Variants in CCDC9 observed in about 807,000 individuals in gnomAD.
CCDC9 encodes the protein coiled-coil domain containing 9.
Under a neutral mutation model 65.6 loss-of-function variants are expected in CCDC9, and 52 were observed. The observed-to-expected ratio is 0.79, with a 90% confidence interval of 0.63 to 1.00. CCDC9 has a LOEUF of 1.00. CCDC9 is among the 50% of genes least tolerant of loss of function. The pLI, the probability that CCDC9 is intolerant of heterozygous loss-of-function variation, is 0.00. For missense variants in CCDC9, 834 were observed against 757.2 expected, an observed-to-expected ratio of 1.10 and a Z score of -1.19; for synonymous variants, 332 against 280.3, an observed-to-expected ratio of 1.18 and a Z score of -1.84.
intron 8 of CCDC9, among the ~76,000 whole-genome samples, chr19:47,267,638 C>A (rs2059090909): frequency 6.6e-6 from 1 of 152,178 alleles, no homozygotes; most frequent in Non-Finnish European, 1.5e-5. Flanking sequence ...TTGTGTTCGC[C>A]AGCACACCCC....
Position 47,270,448 on chromosome 19 carries a change from G to T in CCDC9, c.944G>T (p.Arg315Leu), listed in dbSNP as rs138726882. 2 of 1,614,126 alleles carry T rather than the reference G, an allele frequency of 1.2e-6. No homozygotes were observed. Among genetic ancestry groups the T allele is most frequent in the African/African-American group, 2.7e-5 (2 of 75,024 alleles). ...GPVPAHEPSH[R>L]YDDQAWARPP... is the part of the protein sequence containing the mutation. ...GTCCCTGCCCATGAACCATCCCACC[G>T]CTATGGTGAGTGGGTGCCCTTGGAT... The change falls in exon 9 of 12, where the codon CGC (arginine) becomes CTC (leucine). Residue 315 changes from arginine to leucine, a missense_variant. By Grantham distance (102) the Arg-to-Leu change is moderately radical. Transcript: ENST00000221922.
At position 47,258,636 on chromosome 19, in the gene CCDC9, G is replaced by A. The variant is rs2059026478; in HGVS notation, c.81G>A (p.Lys27=). 2 of 1,614,020 alleles carry A rather than the reference G, an allele frequency of 1.2e-6. No individual in the cohort carries two copies. Among genetic ancestry groups the A allele is most frequent in the Non-Finnish European group, 1.7e-6 (2 of 1,179,990 alleles). ...LDKRIEALRR[K]NEALIRRYQE... is the part of the protein sequence containing the mutation. The stretch of plus-strand genomic sequence containing the variant: ...AGAGGATCGAGGCTCTTCGGCGGAA[G>A]AATGAGGCCCTCATCCGGCGCTACC... Residue 27 remains lysine (K), a synonymous_variant, in exon 3 of 12, where the codon AAG becomes AAA. Transcript: ENST00000221922.
At chr19:47,263,018 A>T (rs1419843829) in intron 5 of CCDC9, among the ~76,000 whole-genome samples, 1 of 150,304 alleles carries the variant, frequency 6.7e-6, no homozygotes, top group East Asian at 2.0e-4. Context: ...TGGGAGGCTG[A>T]GCCTGGGAGG....
At chr19:47,257,001 A>G (rs1157763507) in intron 1 of CCDC9, among the ~76,000 whole-genome samples, 5 of 99,376 alleles carry the variant, frequency 5.0e-5, no homozygotes, top group Non-Finnish European at 9.8e-5. Flanking sequence ...GCGGACCCAG[A>G]GGCTGACGCA....
At chr19:47,266,095 A>G (rs936959458) in intron 7 of CCDC9, among the ~76,000 whole-genome samples, 1 of 138,262 alleles carries the variant, frequency 7.2e-6, no homozygotes, top group African/African-American at 2.8e-5. Flanking sequence ...TCCTGGGTTC[A>G]TGCCAGTCTC....
At chr19:47,269,058 A>T (rs2059099980) in intron 8 of CCDC9, among the ~76,000 whole-genome samples, 1 of 152,096 alleles carries the variant, frequency 6.6e-6, no homozygotes, top group Admixed American at 6.6e-5. Flanking sequence ...GTGAGCTGTT[A>T]TGATGCCACT....
downstream of CCDC9, chr19:47,274,804 G>T: frequency 1.4e-5 from 10 of 719,670 alleles, no homozygotes; most frequent in Non-Finnish European, 1.8e-5. Flanking sequence ...CATGCTGGCG[G>T]GGGCGGGGCC....
intron 5 of CCDC9, among the ~76,000 whole-genome samples, chr19:47,263,390 G>A (rs2059058418): frequency 6.6e-6 from 1 of 152,210 alleles, no homozygotes; most frequent in East Asian, 1.9e-4. Context: ...GAGGAAACCC[G>A]GCATGAACTT....
intron 5 of CCDC9, among the ~76,000 whole-genome samples, chr19:47,261,347 C>T (rs552404215): frequency 7.9e-5 from 12 of 152,192 alleles, no homozygotes; most frequent in African/African-American, 1.2e-4. Flanking sequence ...TCTTGGTCCC[C>T]GGCTTTGGTT....
At chr19:47,275,148 G>T, downstream of CCDC9, 1 of 1,489,362 alleles carries the variant, frequency 6.7e-7, no homozygotes. Flanking sequence ...CCCTCCGTGT[G>T]CTGCCCGCCC....
In CCDC9 at chr19:47,271,370, G is replaced by A. The variant is rs370300669; in HGVS notation, c.1288G>A (p.Asp430Asn). The A allele has an allele frequency of 7.4e-6, 12 of 1,613,580 alleles. No individual in the cohort carries two copies. Among genetic ancestry groups the A allele is most frequent in the African/African-American group, 2.7e-5 (2 of 74,870 alleles). ...EDEEWEDISEDEEEEEIEVEE... is the reference protein window; with the variant it reads ...EDEEWEDISENEEEEEIEVEE... ...TGAAGAATGGGAGGACATAAGTGAG[G>A]ATGAGGAAGAGGAGGAGATCGAGGT... Residue 430 changes from aspartate to asparagine, a missense_variant, in exon 12 of 12, where the codon GAT (aspartate) becomes AAT (asparagine). Coordinates refer to ENST00000221922, the MANE Select transcript of CCDC9 (RefSeq NM_015603.3).
In CCDC9 at chr19:47,271,436, G is replaced by C. The variant is rs757406554; in HGVS notation, c.1354G>C (p.Ala452Pro). 3.7e-5 allele frequency: 60 copies of C among 1,613,896 alleles called. No homozygotes were observed. The highest frequency in any genetic ancestry group is 5.0e-5 in the Non-Finnish European group (59 of 1,179,972). Residue 452 changes from alanine to proline, a missense_variant, in exon 12 of 12, where the codon GCC (alanine) becomes CCC (proline). Ala to Pro is a conservative substitution (Grantham distance 27). Coordinates refer to ENST00000221922, the MANE Select transcript of CCDC9 (RefSeq NM_015603.3). ...GGAGGAACCAGCCCAAGACCACCAA[G>C]CCCCAGAGGCTGCCCCCACCGGGAT... ...DEEEPAQDHQ[A>P]PEAAPTGIPC... is the part of the protein sequence containing the mutation.
At chr19:47,266,567 A>G in intron 7 of CCDC9, 44 bp from the exon 8 acceptor site, 1 of 1,460,220 alleles carries the variant, frequency 6.8e-7, no homozygotes, top group Non-Finnish European at 9.1e-7. Context: ...GGGGCGGGGT[A>G]GGGTGCGGGA....
chr19:47,258,609 C>T lies in CCDC9; in HGVS notation c.54C>T (p.Asp18=). 2 of 1,614,150 alleles carry T rather than the reference C, an allele frequency of 1.2e-6. No homozygotes were observed. The highest frequency in any genetic ancestry group is 1.1e-5 in the South Asian group (1 of 91,088). Residue 18 remains aspartate (D), a synonymous_variant, in exon 3 of 12, where the codon GAC becomes GAT. Coordinates refer to ENST00000221922, the MANE Select transcript of CCDC9 (RefSeq NM_015603.3). ...KSKEEKDAEL[D]KRIEALRRKN... ...AGGAGGAGAAGGATGCTGAGTTGGA[C>T]AAGAGGATCGAGGCTCTTCGGCGGA... is the stretch of plus-strand genomic sequence containing the variant.
At chr19:47,268,340 C>T (rs1287358442) in intron 8 of CCDC9, among the ~76,000 whole-genome samples, 2 of 152,156 alleles carry the variant, frequency 1.3e-5, no homozygotes, top group Non-Finnish European at 2.9e-5. Flanking sequence ...TTTACCTCAT[C>T]CCCCATTCTT....
downstream of CCDC9, among the ~76,000 whole-genome samples, chr19:47,273,115 G>C (rs1279706900): frequency 2.0e-5 from 3 of 152,098 alleles, no homozygotes; most frequent in Non-Finnish European, 4.4e-5. Context: ...CTTGTTGGTC[G>C]GGAGCCAGAT....
intron 8 of CCDC9, among the ~76,000 whole-genome samples, chr19:47,269,543 G>T (rs956931131): frequency 6.6e-6 from 1 of 151,996 alleles, no homozygotes; most frequent in Non-Finnish European, 1.5e-5. Context: ...TAGAGATGGG[G>T]TTTCACCCTG....
At chr19:47,261,411 C>G (rs891117448) in intron 5 of CCDC9, among the ~76,000 whole-genome samples, 1 of 152,136 alleles carries the variant, frequency 6.6e-6, no homozygotes. Flanking sequence ...ACGTGCAGGT[C>G]AGCAGGGTGG....
At chr19:47,262,546 C>G (rs1265650150) in intron 5 of CCDC9, among the ~76,000 whole-genome samples, 1 of 152,072 alleles carries the variant, frequency 6.6e-6, no homozygotes, top group East Asian at 1.9e-4. Flanking sequence ...TTGGTGGCCC[C>G]TAGGTCCTGG....
Sources: gnomAD v4.1 joint callset for allele counts (sites outside exome capture counted in the v4.1 genomes callset) on GRCh38, gnomAD v4.1.1 for gene constraint, MANE v1.5 for transcripts, NCBI Gene and HGNC (gene_info 2026-07-23, HGNC 2026-07-21) for gene names.